The following GUCY2D variants were observed in gnomAD, a reference collection of about 807,000 sequenced individuals.
The protein encoded by GUCY2D is retinal guanylyl cyclase 1.
In GUCY2D, 70 loss-of-function variants were observed where a neutral mutation model predicts 101.3. That is an observed-to-expected ratio of 0.69 (90% confidence interval 0.57 to 0.84). The LOEUF (loss-of-function observed/expected upper bound fraction) is 0.84. Among genes scored for constraint, GUCY2D ranks in the 40% least tolerant of loss-of-function variants. GUCY2D has a pLI of 0.00. For synonymous variants in GUCY2D, 688 were observed against 670.7 expected (o/e 1.03, Z -0.40); for missense variants, 1,460 against 1,542.5 (o/e 0.95, Z 0.90).
At chr17:8,009,473 C>T in intron 7 of GUCY2D, 33 bp from the exon 8 acceptor site, 1 of 1,438,982 alleles carries the variant, frequency 6.9e-7, no homozygotes, top group Non-Finnish European at 9.8e-7. Context: ...TTTTAAGAGA[C>T]TGAGTTCCCT....
Position 8,006,691 on chromosome 17 carries a change from A to G in GUCY2D, c.1355A>G (p.Asp452Gly), listed in dbSNP as rs769219806. 2 of 1,609,554 alleles carry G rather than the reference A, an allele frequency of 1.2e-6. No individual in the cohort carries two copies. The highest frequency in any genetic ancestry group is 3.4e-5 in the Admixed American group (2 of 59,686). The change falls in exon 4 of 20, where the codon GAT (aspartate) becomes GGT (glycine). Residue 452 changes from aspartate to glycine, a missense_variant. Asp to Gly is a moderately conservative substitution (Grantham distance 94). Around this residue, in one of 3 missense-constraint regions of GUCY2D, gnomAD observed 1,196 missense variants for 1,229.6 expected, o/e 0.97. Coordinates refer to ENST00000254854, the MANE Select transcript of GUCY2D (RefSeq NM_000180.4). ...APGPDPSCWF[D>G]PNNICGGGLE... ...GGACCTGACCCCTCGTGCTGGTTCG[A>G]TCCAAACAACATCTGCGGTGGAGGT...
chr17:8,002,814 G>A lies in GUCY2D; in HGVS notation c.-10+80G>A. 2 of 520,792 alleles carry A rather than the reference G, an allele frequency of 3.8e-6. No homozygotes were observed. Among genetic ancestry groups the A allele is most frequent in the Non-Finnish European group, 3.4e-6 (1 of 296,842 alleles). The allele number at this position is 520,792 out of a possible 1,614,324, so 32.3% of individuals were successfully genotyped here. A position where few individuals can be genotyped will look rare whatever the true frequency, so the allele number is the denominator to read the frequency against. On this transcript the variant is annotated intron_variant, in intron 1 of 19. Coordinates refer to ENST00000254854, the MANE Select transcript of GUCY2D (RefSeq NM_000180.4). The surrounding 1 kb of genome is among the most constrained non-coding windows in gnomAD (Gnocchi z 4.9). ...GTCCCTGCTGACCCCTGACGCCTCC[G>A]ACGGGGGGAGGGGCAGGCCGGGTGG... is the stretch of plus-strand genomic sequence containing the variant.
chr17:8,012,116 A>G (rs1975861183), intron 8 of GUCY2D, 28 bp from the exon 9 acceptor site: 1 of 1,552,528 alleles, frequency 6.4e-7, no homozygotes, highest in Admixed American at 1.7e-5. Context: ...CCTGGGCAGA[A>G]AATGCAAGTC....
Position 8,016,269 on chromosome 17 carries a change from A to G in GUCY2D, c.3203A>G (p.Lys1068Arg), listed in dbSNP as rs759778209. Reference protein sequence around the residue: ...GRRGFNKPIPKPPDLQPGSSN... With the variant: ...GRRGFNKPIPRPPDLQPGSSN... ...CGCGGCTTCAACAAGCCCATCCCCAAACCGCCTGACCTGCAACCGGGGTGA... is the reference window on the plus strand; with the variant it reads ...CGCGGCTTCAACAAGCCCATCCCCAGACCGCCTGACCTGCAACCGGGGTGA... Residue 1068 changes from lysine (K) to arginine (R), a missense_variant, in exon 18 of 20, where the codon AAA becomes AGA. By Grantham distance (26) the Lys-to-Arg change is conservative. This residue lies in a region of GUCY2D where 215 missense variants were observed against 227.9 expected (regional missense o/e 0.94). Coordinates refer to ENST00000254854, the MANE Select transcript of GUCY2D (RefSeq NM_000180.4). 4.4e-6 allele frequency: 7 copies of G among 1,577,998 alleles called. No individual in the cohort carries two copies. The highest frequency in any genetic ancestry group is 5.2e-6 in the Non-Finnish European group (6 of 1,162,014).
At position 8,011,306 on chromosome 17, in the gene GUCY2D, G is replaced by A. The variant is rs974750819; in HGVS notation, c.1750-838G>A. On this transcript the variant is annotated intron_variant, in intron 8 of 19. Transcript: ENST00000254854. The surrounding 1 kb of genome is among the most constrained non-coding windows in gnomAD (Gnocchi z 4.3). ...AGACGGGAGAATCGCTTGAGCTCAG[G>A]ATGCGGAGGTTGCAGTGACCCGAGA... Among the ~76,000 whole-genome samples the A allele has an allele frequency of 6.6e-6, 1 of 152,104 alleles. No homozygotes were observed. Among genetic ancestry groups the A allele is most frequent in the Non-Finnish European group, 1.5e-5 (1 of 68,022 alleles).
At chr17:8,010,808 CAA>C (rs566986521) in intron 8 of GUCY2D, among the ~76,000 whole-genome samples, 2,867 of 71,586 alleles carry the variant, frequency 0.04, 99 homozygotes, top group African/African-American at 0.12. Context: ...GATTCCGTCT[CAA>C]AAAAAAAAAA....
intron 7 of GUCY2D, among the ~76,000 whole-genome samples, chr17:8,008,812 TC>T (rs1214150408): frequency 6.6e-6 from 1 of 152,244 alleles, no homozygotes; most frequent in Non-Finnish European, 1.5e-5. Context: ...GTTAAAACTT[TC>T]CCCACATTTA....
intron 17 of GUCY2D, 53 bp downstream of exon 17, chr17:8,016,074 G>A (rs1250440705): frequency 1.3e-6 from 2 of 1,486,294 alleles, no homozygotes; most frequent in South Asian, 1.2e-5. Context: ...CTGAGGCACC[G>A]CCCATCCCGG....
In GUCY2D at chr17:8,012,160, A is replaced by T; in HGVS notation, c.1766A>T (p.His589Leu). 1 of 1,613,752 alleles carries T rather than the reference A, an allele frequency of 6.2e-7. No homozygotes were observed. The highest frequency in any genetic ancestry group is 8.5e-7 in the Non-Finnish European group (1 of 1,179,876). The change falls in exon 9 of 20, where the codon CAT becomes CTT. Residue 589 changes from histidine to leucine, a missense_variant. His to Leu is a moderately conservative substitution (Grantham distance 99). Coordinates refer to ENST00000254854, the MANE Select transcript of GUCY2D (RefSeq NM_000180.4). ...TAFSKLQELR[H>L]ENVALYLGLF... ...CCCTCTCAGCTCCAGGAGCTCCGGCATGAGAACGTGGCCCTCTACCTGGGG... is the reference window on the plus strand; with the variant it reads ...CCCTCTCAGCTCCAGGAGCTCCGGCTTGAGAACGTGGCCCTCTACCTGGGG...
rs778378811 is a variant in GUCY2D, at chr17:8,003,907, C to A, written c.777C>A (p.Leu259=). 53 of 1,613,386 alleles carry A rather than the reference C, an allele frequency of 3.3e-5. No homozygotes were observed. Among genetic ancestry groups the A allele is most frequent in the Non-Finnish European group, 4.4e-5 (52 of 1,179,878 alleles). ...VLLGGEEQRY[L]LEAAEELGLT... ...TGGGTGGCGAGGAGCAGCGCTACCT[C>A]CTGGAGGCCGCAGAGGAGCTGGGCC... The change falls in exon 3 of 20, where the codon CTC becomes CTA. Residue 259 remains leucine (L), a synonymous_variant. Coordinates refer to ENST00000254854, the MANE Select transcript of GUCY2D (RefSeq NM_000180.4).
chr17:8,011,824 G>A lies in GUCY2D; in HGVS notation c.1750-320G>A, dbSNP rs896648390. On this transcript the variant is annotated intron_variant, in intron 8 of 19. Coordinates refer to ENST00000254854, the MANE Select transcript of GUCY2D (RefSeq NM_000180.4). The surrounding 1 kb of genome is among the most constrained non-coding windows in gnomAD (Gnocchi z 4.3). ...AGTCTGGGCAACAGAGTGAGACCTC[G>A]TGTCTAAAAAAAAAGGCTTATGATC... Among the ~76,000 whole-genome samples the A allele has an allele frequency of 8.6e-5, 13 of 151,938 alleles. No homozygotes were observed. Among genetic ancestry groups the A allele is most frequent in the African/African-American group, 2.7e-4 (11 of 41,356 alleles).
At chr17:8,007,179 T>C (rs943098635) in intron 5 of GUCY2D, 35 bp downstream of exon 5, 15 of 1,492,070 alleles carry the variant, frequency 1.0e-5, no homozygotes, top group Non-Finnish European at 1.4e-5. Flanking sequence ...GGAAGTGAGC[T>C]TGTGCCAGAA....
chr17:8,012,323 G>A lies in GUCY2D; in HGVS notation c.1929G>A (p.Lys643=). 6.2e-7 allele frequency: 1 copy of A among 1,613,792 alleles called. No individual in the cohort carries two copies. The highest frequency in any genetic ancestry group is 8.5e-7 in the Non-Finnish European group (1 of 1,179,950). ...AAATAAAGCTGGACTGGATGTTCAA[G>A]TCCTCCCTCCTGCTGGACCTTATCA... The part of the protein sequence containing the change: ...QREIKLDWMF[K]SSLLLDLIKG... Residue 643 remains lysine, a synonymous_variant, in exon 9 of 20, where the codon AAG becomes AAA. Transcript: ENST00000254854.
In GUCY2D at chr17:8,015,840, G is replaced by A. The variant is rs139019420; in HGVS notation, c.3042G>A (p.Leu1014=). The A allele has an allele frequency of 9.5e-5, 153 of 1,611,538 alleles. No homozygotes were observed. In the African/African-American group the frequency reaches 1.9e-3, roughly 20 times the overall value. ...CCTCGCGCATGGAGTCCACCGGGCTGCGTGAGTGTGACGGGGACAAGACGG... is the reference window on the plus strand; with the variant it reads ...CCTCGCGCATGGAGTCCACCGGGCTACGTGAGTGTGACGGGGACAAGACGG... ...NTASRMESTG[L]PYRIHVNLST... Residue 1014 remains leucine (L), a splice_region_variant and synonymous_variant, in exon 16 of 20, where the codon CTG becomes CTA. Transcript: ENST00000254854.
In GUCY2D at chr17:8,008,038, C is replaced by T; in HGVS notation, c.1668+6C>T. The stretch of plus-strand genomic sequence containing the variant: ...CCAACATTGGTGTCTATGAGGTGAG[C>T]CTGACCCCAGCCAGACAGAGAGACA... On this transcript the variant is annotated splice_donor_region_variant and intron_variant, in intron 7 of 19. Transcript: ENST00000254854. 2 of 1,566,556 alleles carry T rather than the reference C, an allele frequency of 1.3e-6. No homozygotes were observed. The highest frequency in any genetic ancestry group is 4.5e-5 in the East Asian group (2 of 44,646).
Position 8,007,067 on chromosome 17 carries a change from G to A in GUCY2D, c.1386G>A (p.Glu462=). 2 of 1,613,976 alleles carry A rather than the reference G, an allele frequency of 1.2e-6. No individual in the cohort carries two copies. Among genetic ancestry groups the A allele is most frequent in the Non-Finnish European group, 1.7e-6 (2 of 1,179,828 alleles). The change falls in exon 5 of 20, where the codon GAG becomes GAA. Residue 462 remains glutamate, a synonymous_variant. Coordinates refer to ENST00000254854, the MANE Select transcript of GUCY2D (RefSeq NM_000180.4). Reference sequence around the variant, plus strand: ...CTGTCACTGTCCCTTCAGGACTGGAGCCGGGCCTCGTCTTTCTTGGCTTCC... The same window carrying A: ...CTGTCACTGTCCCTTCAGGACTGGAACCGGGCCTCGTCTTTCTTGGCTTCC... ...DPNNICGGGL[E]PGLVFLGFLL...
rs1329658619 is a variant in GUCY2D, at chr17:8,007,119, G to A, written c.1438G>A (p.Gly480Arg). The A allele has an allele frequency of 6.2e-7, 1 of 1,613,722 alleles. No individual in the cohort carries two copies. The highest frequency in any genetic ancestry group is 8.5e-7 in the Non-Finnish European group (1 of 1,179,590). Reference protein sequence around the residue: ...FLLVVGMGLAGAFLAHYVRHR... With the variant: ...FLLVVGMGLARAFLAHYVRHR... ...CCTGGTGGTTGGGATGGGGCTGGCT[G>A]GGGCCTTCCTGGCCCATTATGTGAG... Residue 480 changes from glycine to arginine, a missense_variant, in exon 5 of 20, where the codon GGG becomes AGG. By Grantham distance (125) the Gly-to-Arg change is moderately radical. Coordinates refer to ENST00000254854, the MANE Select transcript of GUCY2D (RefSeq NM_000180.4).
chr17:8,012,869 T>C (rs527646004), intron 10 of GUCY2D, among the ~76,000 whole-genome samples: 309 of 152,350 alleles, frequency 2.0e-3, no homozygotes, highest in Non-Finnish European at 3.5e-3. Flanking sequence ...GGGTGGGGCT[T>C]GTGCCCAAGA....
At chr17:8,012,953 C>G (rs1046534450) in intron 10 of GUCY2D, 150 bp from the exon 11 acceptor site, 19 of 682,926 alleles carry the variant, frequency 2.8e-5, no homozygotes, top group Non-Finnish European at 3.4e-5. Flanking sequence ...GAGATGGCTC[C>G]TAGAGATAGT....
Sources: gnomAD v4.1 joint callset for allele counts (sites outside exome capture counted in the v4.1 genomes callset) on GRCh38, gnomAD v4.1.1 for gene constraint, gnomAD v4.1.1 regional missense constraint, Gnocchi (gnomAD v3.1) non-coding constraint, MANE v1.5 for transcripts, NCBI Gene and HGNC (gene_info 2026-07-23, HGNC 2026-07-21) for gene names.